CCAR2: variants seen among roughly 807,000 people sequenced by gnomAD.
CCAR2 encodes the protein cell cycle and apoptosis regulator 2.
Under a neutral mutation model 108.1 loss-of-function variants are expected in CCAR2, and 21 were observed. That is an observed-to-expected ratio of 0.19 (90% confidence interval 0.14 to 0.28). The LOEUF is 0.28. Among genes scored for constraint, CCAR2 ranks in the 10% least tolerant of loss-of-function variants. The pLI is 1.00. For missense variants in CCAR2, 1,126 were observed against 1,177.0 expected, an observed-to-expected ratio of 0.96 and a Z score of 0.63; for synonymous variants, 577 against 472.8, an observed-to-expected ratio of 1.22 and a Z score of -2.86.
At chr8:22,607,947 A>C (rs202181071) in intron 6 of CCAR2, 22 bp from the exon 7 acceptor site, 3 of 1,610,822 alleles carry the variant, frequency 1.9e-6, no homozygotes, top group Non-Finnish European at 2.5e-6. Flanking sequence ...TTTTTGAGTC[A>C]CCAGTCATTT....
chr8:22,606,328 C>T (rs1157356159), intron 3 of CCAR2, 152 bp downstream of exon 3: 2 of 720,008 alleles, frequency 2.8e-6, no homozygotes, highest in South Asian at 1.7e-5. Flanking sequence ...AGCCTTCAGA[C>T]TGGGGCATCT....
intron 8 of CCAR2, 96 bp from the exon 9 acceptor site, chr8:22,613,996 G>GA (rs1412100079): frequency 5.9e-5 from 67 of 1,129,092 alleles, no homozygotes; most frequent in Non-Finnish European, 7.0e-5. Flanking sequence ...TTCTCAGACT[G>GA]AAAAAAAATT....
Position 22,606,179 on chromosome 8 carries a change from A to C in CCAR2, c.150+3A>C, listed in dbSNP as rs755044697. On this transcript the variant is annotated splice_donor_region_variant and intron_variant, in intron 3 of 20. Coordinates refer to ENST00000308511, the MANE Select transcript of CCAR2 (RefSeq NM_001393997.1). Reference sequence around the variant, plus strand: ...CCCAGAATGCCAGGCACCTTCAGGTAGGTTCGGCATCCCTTGTAGTAAGTT... The same window carrying C: ...CCCAGAATGCCAGGCACCTTCAGGTCGGTTCGGCATCCCTTGTAGTAAGTT... 2 of 1,611,924 alleles carry C rather than the reference A, an allele frequency of 1.2e-6. No homozygotes were observed. Among genetic ancestry groups the C allele is most frequent in the South Asian group, 2.2e-5 (2 of 91,032 alleles).
Position 22,614,107 on chromosome 8 carries a change from C to T in CCAR2, c.720C>T (p.Phe240=), listed in dbSNP as rs1191012993. 6.2e-7 allele frequency: 1 copy of T among 1,613,916 alleles called. No individual in the cohort carries two copies. The highest frequency in any genetic ancestry group is 1.3e-5 in the African/African-American group (1 of 75,058). ...PYTVDSPICD[F]LELQRRYRSL... is the part of the protein sequence containing the mutation. ...CTTCCTGTAGCCCCATCTGTGACTT[C>T]CTAGAACTCCAGCGCCGTTACCGCA... Residue 240 remains phenylalanine, a synonymous_variant, in exon 9 of 21, where the codon TTC becomes TTT. Transcript: ENST00000308511.
intron 10 of CCAR2, 98 bp downstream of exon 10, chr8:22,614,601 A>T (rs1585160876): frequency 8.3e-7 from 1 of 1,199,570 alleles, no homozygotes; most frequent in East Asian, 2.4e-5. Context: ...GCATAAAACG[A>T]GGCATCTCAG....
In CCAR2 at chr8:22,618,357, G is replaced by C; in HGVS notation, c.2082G>C (p.Glu694Asp). ...EFSSLQDMPK[E>D]LDPSAVLPLD... ...CTTTGTTTTCTTTGCAGCCCAAGGA[G>C]CTGGATCCCTCTGCTGTGCTCCCCT... Residue 694 changes from glutamate (E) to aspartate (D), a missense_variant, in exon 17 of 21, where the codon GAG (glutamate) becomes GAC (aspartate). Glu to Asp is a conservative substitution (Grantham distance 45). Transcript: ENST00000308511. 2 of 1,614,230 alleles carry C rather than the reference G, an allele frequency of 1.2e-6. No homozygotes were observed. The highest frequency in any genetic ancestry group is 1.7e-6 in the Non-Finnish European group (2 of 1,180,048).
Position 22,606,264 on chromosome 8 carries a change from T to A in CCAR2, c.150+88T>A, listed in dbSNP as rs573437484. On this transcript the variant is annotated intron_variant, in intron 3 of 20. Coordinates refer to ENST00000308511, the MANE Select transcript of CCAR2 (RefSeq NM_001393997.1). ...GCTCTTTTTCTCTTACATAATAGTGTTTATCATTCCTGATCCCTCTCCTGG... is the reference window on the plus strand; with the variant it reads ...GCTCTTTTTCTCTTACATAATAGTGATTATCATTCCTGATCCCTCTCCTGG... The A allele has an allele frequency of 2.5e-4, 290 of 1,140,506 alleles. 3 individuals are homozygous for A. The South Asian group carries it at 3.3e-3, about 13-fold the overall frequency. 70.6% of individuals were successfully genotyped at this position (1,140,506 alleles called of 1,614,324 possible). A position where few individuals can be genotyped will look rare whatever the true frequency, so the allele number is the denominator to read the frequency against.
chr8:22,605,867 G>A, intron 2 of CCAR2, 36 bp downstream of exon 2: 1 of 1,599,970 alleles, frequency 6.3e-7, no homozygotes, highest in Non-Finnish European at 8.6e-7. Context: ...CTCATCCTGG[G>A]AAGTATGTGC....
In CCAR2 at chr8:22,617,624, C is replaced by T. The variant is rs1801577239; in HGVS notation, c.1990+60C>T. On this transcript the variant is annotated intron_variant, in intron 15 of 20. Coordinates refer to ENST00000308511, the MANE Select transcript of CCAR2 (RefSeq NM_001393997.1). ...TGGGATGTGGCTTTCCACCTGTGGC[C>T]AAGCTGGTTTTCATTTTTGTACTGT... 3.1e-6 allele frequency: 5 copies of T among 1,612,058 alleles called. No individual in the cohort carries two copies. The South Asian group carries it at 5.5e-5, about 18-fold the overall frequency.
chr8:22,605,597 C>T (rs1314296441), intron 1 of CCAR2, 139 bp from the exon 2 acceptor site: 16 of 614,588 alleles, frequency 2.6e-5, no homozygotes, highest in African/African-American at 3.7e-5. Flanking sequence ...TCTATATTCT[C>T]TCCATCCATT....
At chr8:22,608,942 T>C (rs1000042341) in intron 7 of CCAR2, among the ~76,000 whole-genome samples, 1 of 152,244 alleles carries the variant, frequency 6.6e-6, no homozygotes, top group African/African-American at 2.4e-5. Context: ...TCCCACTTGA[T>C]TTTGTTAAGG....
At chr8:22,620,661 G>T (rs1409286124), downstream of CCAR2, 2 of 152,198 alleles carry the variant, frequency 1.3e-5, no homozygotes, top group African/African-American at 4.8e-5. Flanking sequence ...AGGGCAGCAG[G>T]CCCAGGAAGG....
intron 20 of CCAR2, 76 bp downstream of exon 20, chr8:22,619,431 C>A (rs947025956): frequency 1.3e-6 from 2 of 1,510,758 alleles, no homozygotes; most frequent in Admixed American, 2.0e-5. Context: ...GGCGCTTGCC[C>A]GTGTCGGGAG....
rs537335017 is a variant in CCAR2 at position 22,606,776 on chromosome 8, G to A, written c.242+78G>A. ...CACCATGCTGGTATTGCCCCCACCC[G>A]CCTCAAAGCCATTGCTTTGCTGTTT... On this transcript the variant is annotated intron_variant, in intron 4 of 20. Transcript: ENST00000308511. 442 of 1,459,570 alleles carry A rather than the reference G, an allele frequency of 3.0e-4. 3 individuals carry two copies. In the East Asian group the frequency reaches 9.7e-3, roughly 32 times the overall value. 90.4% of individuals were successfully genotyped at this position (1,459,570 alleles called of 1,614,324 possible). A position where few individuals can be genotyped will look rare whatever the true frequency, so the allele number is the denominator to read the frequency against.
intron 14 of CCAR2, 171 bp downstream of exon 14, chr8:22,616,419 G>A (rs1283122437): frequency 2.2e-5 from 14 of 642,802 alleles, no homozygotes; most frequent in African/African-American, 7.3e-5. Flanking sequence ...AGGGAAGGTG[G>A]CGCAGAGTGC....
intron 3 of CCAR2, 58 bp downstream of exon 3, chr8:22,606,234 C>T (rs949685421): frequency 7.6e-7 from 1 of 1,323,784 alleles, no homozygotes; most frequent in Admixed American, 1.7e-5. Flanking sequence ...GCATGGAGGC[C>T]TGGTGCTCTT....
At chr8:22,621,493 C>T (rs1403070704), downstream of CCAR2, 2 of 1,613,968 alleles carry the variant, frequency 1.2e-6, no homozygotes, top group South Asian at 1.1e-5. Context: ...TCCCGCTGCT[C>T]ATCGGAGTGG....
At chr8:22,606,785 C>T (rs1277810820) in intron 4 of CCAR2, 87 bp downstream of exon 4, 30 of 1,466,386 alleles carry the variant, frequency 2.0e-5, no homozygotes, top group Non-Finnish European at 2.8e-5. Flanking sequence ...CGCCTCAAAG[C>T]CATTGCTTTG....
In CCAR2 at chr8:22,614,135, C is replaced by A. The variant is rs749308771; in HGVS notation, c.748C>A (p.Leu250Ile). Residue 250 changes from leucine to isoleucine, a missense_variant, in exon 9 of 21, where the codon CTC (leucine) becomes ATC (isoleucine). Physicochemically the swap from Leu to Ile is conservative, Grantham distance 5. Transcript: ENST00000308511. Reference protein sequence around the residue: ...FLELQRRYRSLLVPSDFLSVH... With the variant: ...FLELQRRYRSILVPSDFLSVH... ...AGAACTCCAGCGCCGTTACCGCAGCCTCCTGGTCCCCTCAGATTTTCTGTC... is the reference window on the plus strand; with the variant it reads ...AGAACTCCAGCGCCGTTACCGCAGCATCCTGGTCCCCTCAGATTTTCTGTC... The A allele has an allele frequency of 2.5e-6, 4 of 1,614,000 alleles. No homozygotes were observed. In the African/African-American group the frequency reaches 5.3e-5, roughly 22 times the overall value.
Sources: gnomAD v4.1 joint callset for allele counts (sites outside exome capture counted in the v4.1 genomes callset) on GRCh38, gnomAD v4.1.1 for gene constraint, MANE v1.5 for transcripts, NCBI Gene and HGNC (gene_info 2026-07-23, HGNC 2026-07-21) for gene names.